Variants in CSPG5 observed in about 807,000 individuals in gnomAD.
CSPG5 encodes chondroitin sulfate proteoglycan 5.
Under a neutral mutation model 39.8 loss-of-function variants are expected in CSPG5, and 25 were observed. The ratio of observed to expected loss-of-function variants is 0.63; its 90% CI spans 0.46 to 0.88. The LOEUF (loss-of-function observed/expected upper bound fraction) is 0.88, where lower values mean the gene tolerates loss of function less well. Ranked by LOEUF, CSPG5 falls within the 40% of genes least tolerant of loss-of-function variation. The pLI is 0.00. For synonymous variants in CSPG5, 295 were observed against 303.9 expected, an observed-to-expected ratio of 0.97 and a Z score of 0.31; for missense variants, 627 against 702.2, an observed-to-expected ratio of 0.89 and a Z score of 1.21.
rs2031113747 is a variant in CSPG5 at position 47,562,418 on chromosome 3, T to C, written c.*182A>G. On this transcript the variant is annotated 3_prime_UTR_variant, in exon 5 of 5. Transcript: ENST00000264723. ...CCAATGTATGCAATTCTGTTCAGTT[T>C]CTTTGCTTATTTTAAGTATTTTTTT... 1.8e-6 allele frequency: 1 copy of C among 545,206 alleles called. No individual in the cohort carries two copies. The highest frequency in any genetic ancestry group is 3.0e-5 in the East Asian group (1 of 32,856). The allele number at this position is 545,206 out of a possible 1,614,324, so 33.8% of individuals were successfully genotyped here.
chr3:47,563,377 C>T (rs895052875), intron 4 of CSPG5, among the ~76,000 whole-genome samples: 1 of 152,138 alleles, frequency 6.6e-6, no homozygotes, highest in Non-Finnish European at 1.5e-5. Context: ...CAATCCAAGC[C>T]CGAATGACCC....
chr3:47,570,124 A>G (rs756367701), intron 3 of CSPG5, among the ~76,000 whole-genome samples: 1 of 151,990 alleles, frequency 6.6e-6, no homozygotes, highest in Non-Finnish European at 1.5e-5. Flanking sequence ...ATATAAGTGC[A>G]GAATATGTCA....
At position 47,572,865 on chromosome 3, in the gene CSPG5, C is replaced by A. The variant is rs756877864; in HGVS notation, c.1203G>T (p.Thr401=). 15 of 1,604,310 alleles carry A rather than the reference C, an allele frequency of 9.3e-6. No individual in the cohort carries two copies. Among genetic ancestry groups the A allele is most frequent in the Non-Finnish European group, 1.3e-5 (15 of 1,173,234 alleles). ...TCCCCTTGTGCCAGATGTAGTCCTG[C>A]GTGTTGCACCTGCAGCAGCGACATT... is the stretch of plus-strand genomic sequence containing the variant. ...ENIGAFCRCN[T]QDYIWHKGMR... The change falls in exon 3 of 5, where the codon ACG becomes ACT. Residue 401 remains threonine, a synonymous_variant. Coordinates refer to ENST00000264723, the MANE Select transcript of CSPG5 (RefSeq NM_006574.4). This position sits in a 1 kb window ranked among gnomAD's most constrained non-coding sequence, Gnocchi z 4.5.
In CSPG5 at chr3:47,577,117, G is replaced by T. The variant is rs760639148; in HGVS notation, c.909C>A (p.Pro303=). 5 of 1,613,892 alleles carry T rather than the reference G, an allele frequency of 3.1e-6. No homozygotes were observed. The Admixed American group carries it at 5.0e-5, about 16-fold the overall frequency. The change falls in exon 2 of 5, where the codon CCC becomes CCA. Residue 303 remains proline, a synonymous_variant. Coordinates refer to ENST00000264723, the MANE Select transcript of CSPG5 (RefSeq NM_006574.4). The surrounding 1 kb of genome is among the most constrained non-coding windows in gnomAD (Gnocchi z 4.7). ...DLEDENELLV[P]TGKPGLGPGT... is the part of the protein sequence containing the mutation. ...CGGGCCCCAGACCAGGCTTCCCAGTGGGCACTAGAAGCTCATTTTCATCTT... is the reference window on the plus strand; with the variant it reads ...CGGGCCCCAGACCAGGCTTCCCAGTTGGCACTAGAAGCTCATTTTCATCTT...
At position 47,577,425 on chromosome 3, in the gene CSPG5, G is replaced by T; in HGVS notation, c.601C>A (p.Pro201Thr). The T allele has an allele frequency of 1.2e-6, 2 of 1,614,156 alleles. No homozygotes were observed. Among genetic ancestry groups the T allele is most frequent in the East Asian group, 2.2e-5 (1 of 44,872 alleles). Residue 201 changes from proline (P) to threonine (T), a missense_variant, in exon 2 of 5, where the codon CCC becomes ACC. Coordinates refer to ENST00000264723, the MANE Select transcript of CSPG5 (RefSeq NM_006574.4). The surrounding 1 kb of genome is among the most constrained non-coding windows in gnomAD (Gnocchi z 4.7). ...LTYPFQGTLE[P>T]QPASDIIDID... ...TCAATGATATCTGATGCCGGTTGGGGCTCCAGGGTGCCCTGAAATGGGTAA... is the reference window on the plus strand; with the variant it reads ...TCAATGATATCTGATGCCGGTTGGGTCTCCAGGGTGCCCTGAAATGGGTAA...
In CSPG5 at chr3:47,572,586, C is replaced by A; in HGVS notation, c.1382+100G>T. 1 of 1,018,374 alleles carries A rather than the reference C, an allele frequency of 9.8e-7. No individual in the cohort carries two copies. Among genetic ancestry groups the A allele is most frequent in the Admixed American group, 2.1e-5 (1 of 47,560 alleles). 63.1% of individuals were successfully genotyped at this position (1,018,374 alleles called of 1,614,324 possible). A position where few individuals can be genotyped will look rare whatever the true frequency, so the allele number is the denominator to read the frequency against. ...GGGAATGGAGCACAGGTGCCAGAAACCCTCACGACAAAGTCCCTGGATCAG... is the reference window on the plus strand; with the variant it reads ...GGGAATGGAGCACAGGTGCCAGAAAACCTCACGACAAAGTCCCTGGATCAG... On this transcript the variant is annotated intron_variant, in intron 3 of 4. Coordinates refer to ENST00000264723, the MANE Select transcript of CSPG5 (RefSeq NM_006574.4). The surrounding 1 kb of genome is among the most constrained non-coding windows in gnomAD (Gnocchi z 4.5).
rs563262685 is a variant in CSPG5, at chr3:47,572,529, C to T, written c.1382+157G>A. Among the ~76,000 whole-genome samples, 3 of 152,330 alleles carry T rather than the reference C, an allele frequency of 2.0e-5. 1 individual carries two copies. In the South Asian group the frequency reaches 6.2e-4, roughly 32 times the overall value. On this transcript the variant is annotated intron_variant, in intron 3 of 4. Transcript: ENST00000264723. The surrounding 1 kb of genome is among the most constrained non-coding windows in gnomAD (Gnocchi z 4.5). ...ACATTTTGTGTAGGAACAGATGAGC[C>T]TGAGTGAATTTTTAGCACAGACAAA...
rs2031850359 is a variant in CSPG5, at chr3:47,578,249, T to A, written c.98-321A>T. ...AAGTCTCACCCTCGGGAACCCACCC[T>A]GAGCCGCGTCCACTGGCTCCCGCCC... On this transcript the variant is annotated intron_variant, in intron 1 of 4. Coordinates refer to ENST00000264723, the MANE Select transcript of CSPG5 (RefSeq NM_006574.4). The surrounding 1 kb of genome is among the most constrained non-coding windows in gnomAD (Gnocchi z 6.0). 7.2e-6 allele frequency: 2 copies of A among 277,874 alleles called. No homozygotes were observed. Among genetic ancestry groups the A allele is most frequent in the Non-Finnish European group, 1.3e-5 (2 of 152,746 alleles). The allele number at this position is 277,874 out of a possible 1,614,324, so 17.2% of individuals were successfully genotyped here.
Position 47,569,144 on chromosome 3 carries a change from T to C in CSPG5, c.1458+8A>G. 6.2e-7 allele frequency: 1 copy of C among 1,608,600 alleles called. No homozygotes were observed. Among genetic ancestry groups the C allele is most frequent in the Non-Finnish European group, 8.5e-7 (1 of 1,177,824 alleles). On this transcript the variant is annotated splice_region_variant and intron_variant, in intron 4 of 4. Transcript: ENST00000264723. Reference sequence around the variant, plus strand: ...GGAGGTACGGGGAGTGTTGCAAAGTTTCCTTACATTTGGGTGAGAGCCCTC... The same window carrying C: ...GGAGGTACGGGGAGTGTTGCAAAGTCTCCTTACATTTGGGTGAGAGCCCTC...
In CSPG5 at chr3:47,576,980, T is replaced by G; in HGVS notation, c.1046A>C (p.Asp349Ala). 2 of 1,613,746 alleles carry G rather than the reference T, an allele frequency of 1.2e-6. No homozygotes were observed. The highest frequency in any genetic ancestry group is 1.3e-5 in the African/African-American group (1 of 75,062). ...LRPRPGEPGR[D>A]LASSENGTEC... ...AGTGCCATTTTCACTGGAGGCCAAG[T>G]CCCTGCCTGGCTCTCCTGGGCGGGG... The change falls in exon 2 of 5, where the codon GAC (aspartate) becomes GCC (alanine). Residue 349 changes from aspartate to alanine, a missense_variant. Coordinates refer to ENST00000264723, the MANE Select transcript of CSPG5 (RefSeq NM_006574.4).
At chr3:47,570,684 T>C (rs1168162729) in intron 3 of CSPG5, among the ~76,000 whole-genome samples, 1 of 152,052 alleles carries the variant, frequency 6.6e-6, no homozygotes, top group Admixed American at 6.5e-5. Flanking sequence ...TTTTTTGTAT[T>C]TTTAGTAGAG....
intron 4 of CSPG5, among the ~76,000 whole-genome samples, chr3:47,568,332 T>C (rs1426429809): frequency 2.0e-5 from 3 of 152,240 alleles, no homozygotes; most frequent in African/African-American, 7.2e-5. Context: ...CTCTAGTATT[T>C]GACTGGTCAG....
Position 47,577,029 on chromosome 3 carries a change from G to A in CSPG5, c.997C>T (p.Pro333Ser), listed in dbSNP as rs1201170204. 1.1e-5 allele frequency: 17 copies of A among 1,612,936 alleles called. No homozygotes were observed. The East Asian group carries it at 3.6e-4, about 34-fold the overall frequency. The stretch of plus-strand genomic sequence containing the variant: ...GGCCTGAGGGCGATGCTGCTGCCGG[G>A]GACCGACCCCAGAGTGTGCTGTGGA... ...VPPQHTLGSV[P>S]GSSIALRPRP... Residue 333 changes from proline (P) to serine (S), a missense_variant, in exon 2 of 5, where the codon CCC becomes TCC. Transcript: ENST00000264723. This position sits in a 1 kb window ranked among gnomAD's most constrained non-coding sequence, Gnocchi z 4.7.
intron 3 of CSPG5, among the ~76,000 whole-genome samples, chr3:47,570,427 T>A (rs983525219): frequency 4.0e-5 from 6 of 151,890 alleles, no homozygotes; most frequent in Admixed American, 3.9e-4. Flanking sequence ...TGTAATAAGG[T>A]GCACCATTAT....
Position 47,562,552 on chromosome 3 carries a change from C to G in CSPG5, c.*48G>C. On this transcript the variant is annotated 3_prime_UTR_variant, in exon 5 of 5. Transcript: ENST00000264723. The stretch of plus-strand genomic sequence containing the variant: ...TGTACAAGAGGAGATAATGTTTCTT[C>G]CCCTACCCCCCACCCACTACCCCCG... The G allele has an allele frequency of 1.5e-5, 21 of 1,422,516 alleles. No individual in the cohort carries two copies. The highest frequency in any genetic ancestry group is 2.0e-5 in the Non-Finnish European group (20 of 1,016,642). 88.1% of individuals were successfully genotyped at this position (1,422,516 alleles called of 1,614,324 possible). A position where few individuals can be genotyped will look rare whatever the true frequency, so the allele number is the denominator to read the frequency against.
In CSPG5 at chr3:47,572,750, T is replaced by C; in HGVS notation, c.1318A>G (p.Thr440Ala). 6.2e-7 allele frequency: 1 copy of C among 1,614,134 alleles called. No homozygotes were observed. The highest frequency in any genetic ancestry group is 8.5e-7 in the Non-Finnish European group (1 of 1,180,030). ...ALVLLLLFMM[T>A]VFFAKKLYLL... ...TAGAGCTTCTTGGCAAAGAACACCG[T>C]CATCATGAAGAGCAGGAGCAGGACG... Residue 440 changes from threonine (T) to alanine (A), a missense_variant, in exon 3 of 5, where the codon ACG becomes GCG. Thr to Ala is a moderately conservative substitution (Grantham distance 58, BLOSUM62 0). Coordinates refer to ENST00000264723, the MANE Select transcript of CSPG5 (RefSeq NM_006574.4). This position sits in a 1 kb window ranked among gnomAD's most constrained non-coding sequence, Gnocchi z 4.5.
intron 2 of CSPG5, 143 bp downstream of exon 2, chr3:47,576,690 C>T: frequency 2.1e-6 from 2 of 939,368 alleles, no homozygotes; most frequent in East Asian, 2.5e-5. Context: ...GAACTCCTGA[C>T]CTTAGGAGAT....
Position 47,562,565 on chromosome 3 carries a change from C to T in CSPG5, c.*35G>A. The T allele has an allele frequency of 6.4e-7, 1 of 1,563,962 alleles. No individual in the cohort carries two copies. The highest frequency in any genetic ancestry group is 8.8e-7 in the Non-Finnish European group (1 of 1,140,474). On this transcript the variant is annotated 3_prime_UTR_variant, in exon 5 of 5. Transcript: ENST00000264723. ...ATAATGTTTCTTCCCCTACCCCCCA[C>T]CCACTACCCCCGCTTCCTCTCTTCT...
In CSPG5 at chr3:47,577,821, C is replaced by A; in HGVS notation, c.205G>T (p.Gly69Trp). The A allele has an allele frequency of 1.3e-6, 2 of 1,576,828 alleles. No homozygotes were observed. Among genetic ancestry groups the A allele is most frequent in the South Asian group, 1.1e-5 (1 of 88,618 alleles). The change falls in exon 2 of 5, where the codon GGG becomes TGG. Residue 69 changes from glycine (G) to tryptophan (W), a missense_variant. Gly to Trp is a radical substitution (Grantham distance 184, BLOSUM62 -2). Transcript: ENST00000264723. This position sits in a 1 kb window ranked among gnomAD's most constrained non-coding sequence, Gnocchi z 4.7. ...TREEAGPPAA[G>W]EDEASWTAPG... Reference sequence around the variant, plus strand: ...GCCGTCCACGACGCCTCATCTTCCCCAGCCGCTGGTGGGCCGGCTTCTTCC... The same window carrying A: ...GCCGTCCACGACGCCTCATCTTCCCAAGCCGCTGGTGGGCCGGCTTCTTCC...
Sources: allele counts gnomAD v4.1 joint callset (sites outside exome capture counted in the v4.1 genomes callset), GRCh38; gene constraint gnomAD v4.1.1; non-coding constraint Gnocchi (gnomAD v3.1); transcripts MANE v1.5; gene names NCBI Gene and HGNC (gene_info 2026-07-23, HGNC 2026-07-21).